The following FHIT variants were observed in gnomAD, a reference collection of about 807,000 sequenced individuals.
FHIT encodes the protein fragile histidine triad diadenosine triphosphatase.
FHIT carries 19 observed loss-of-function variants against 17.9 expected under a neutral mutation model. The ratio of observed to expected loss-of-function variants is 1.06; its 90% confidence interval spans 0.74 to 1.56. The LOEUF is 1.56. Among genes scored for constraint, FHIT ranks in the 40% most tolerant of loss-of-function variants. The pLI is 0.00. For synonymous variants in FHIT, 81 were observed against 69.7 expected (o/e 1.16, Z -0.81); for missense variants, 248 against 189.2 (o/e 1.31, Z -1.82).
Position 59,950,276 on chromosome 3 carries a change from A to G in FHIT, c.280-27862T>C, listed in dbSNP as rs1707047694. ...TTTCATTATTTTTACACTGGAGAAGAAAAACAATTGCCATTAAACAGGTTC... is the reference window on the plus strand; with the variant it reads ...TTTCATTATTTTTACACTGGAGAAGGAAAACAATTGCCATTAAACAGGTTC... On this transcript the variant is annotated intron_variant, in intron 7 of 9. Transcript: ENST00000492590. Among the ~76,000 whole-genome samples, 3 of 152,344 alleles carry G rather than the reference A, an allele frequency of 2.0e-5. No homozygotes were observed. In the South Asian group the frequency reaches 6.2e-4, roughly 32 times the overall value.
chr3:59,945,602 G>A lies in FHIT; in HGVS notation c.280-23188C>T, dbSNP rs1036157322. On this transcript the variant is annotated intron_variant, in intron 7 of 9. Coordinates refer to ENST00000492590, the MANE Select transcript of FHIT (RefSeq NM_002012.4). ...TGTCATGAAATATTTTCCAGAGACC[G>A]TGTACAGAATGGTATTTCCTAAGTT... Among the ~76,000 whole-genome samples the A allele has an allele frequency of 7.3e-5, 11 of 151,270 alleles. No homozygotes were observed. In the East Asian group the frequency reaches 1.7e-3, roughly 24 times the overall value.
At chr3:60,330,061 T>G (rs1005534450) in intron 5 of FHIT, among the ~76,000 whole-genome samples, 9 of 152,332 alleles carry the variant, frequency 5.9e-5, no homozygotes, top group Non-Finnish European at 1.3e-4. Flanking sequence ...TTGGCTTTCA[T>G]GATCTCACCA....
At chr3:60,004,654 C>G (rs1439964543) in intron 7 of FHIT, among the ~76,000 whole-genome samples, 1 of 152,148 alleles carries the variant, frequency 6.6e-6, no homozygotes, top group African/African-American at 2.4e-5. Flanking sequence ...TCTTTAGGAA[C>G]AGCCTGGTCA....
At chr3:60,903,774 A>G (rs1706244496) in intron 3 of FHIT, among the ~76,000 whole-genome samples, 1 of 152,184 alleles carries the variant, frequency 6.6e-6, no homozygotes, top group Admixed American at 6.5e-5. Flanking sequence ...ATACACAAGG[A>G]AAAAATGATT....
chr3:60,609,346 G>A (rs1576964808), intron 4 of FHIT, among the ~76,000 whole-genome samples: 1 of 151,014 alleles, frequency 6.6e-6, no homozygotes, highest in East Asian at 1.9e-4. Flanking sequence ...TTTTTTTTGA[G>A]ACTGAGTCTA....
chr3:60,167,073 G>A (rs886710474), intron 5 of FHIT, among the ~76,000 whole-genome samples: 1 of 152,142 alleles, frequency 6.6e-6, no homozygotes, highest in Non-Finnish European at 1.5e-5. Context: ...TCACATGAAG[G>A]AGTCTTCACT....
chr3:60,314,963 T>G, intron 5 of FHIT, among the ~76,000 whole-genome samples: 1 of 152,132 alleles, frequency 6.6e-6, no homozygotes, highest in East Asian at 1.9e-4. Flanking sequence ...TCAGCAGAAC[T>G]TACTATGCCC....
chr3:60,804,239 G>T (rs1701302994), intron 4 of FHIT, among the ~76,000 whole-genome samples: 3 of 152,192 alleles, frequency 2.0e-5, no homozygotes. Context: ...CAAGGGCACT[G>T]CGATCCCCCT....
At chr3:60,701,289 A>T (rs1195856990) in intron 4 of FHIT, among the ~76,000 whole-genome samples, 1 of 152,034 alleles carries the variant, frequency 6.6e-6, no homozygotes, top group Non-Finnish European at 1.5e-5. Context: ...GTAATTGCCC[A>T]GTGGGTTCTC....
chr3:61,146,758 G>C (rs546605092), intron 2 of FHIT, among the ~76,000 whole-genome samples: 2 of 151,916 alleles, frequency 1.3e-5, no homozygotes, highest in East Asian at 1.9e-4. Context: ...AATTCCTCAG[G>C]GTATATGCAA....
At chr3:60,422,672 G>A (rs111390911) in intron 5 of FHIT, among the ~76,000 whole-genome samples, 275 of 152,148 alleles carry the variant, frequency 1.8e-3, no homozygotes, top group African/African-American at 6.1e-3. Flanking sequence ...CTTTCATTTC[G>A]TAATGGAGAA....
Position 60,951,094 on chromosome 3 carries a change from G to A in FHIT, c.-111+90953C>T, listed in dbSNP as rs1020484147. On this transcript the variant is annotated intron_variant, in intron 3 of 9. Transcript: ENST00000492590. ...AGCTGAACACATTCCTGATACACAGGAGATTCTGTTTTTGTTTTTTGCTTA... is the reference window on the plus strand; with the variant it reads ...AGCTGAACACATTCCTGATACACAGAAGATTCTGTTTTTGTTTTTTGCTTA... Among the ~76,000 whole-genome samples, 20 of 152,116 alleles carry A rather than the reference G, an allele frequency of 1.3e-4. 1 individual carries two copies. Among genetic ancestry groups the A allele is most frequent in the African/African-American group, 4.3e-4 (18 of 41,428 alleles).
At chr3:61,210,428 C>A (rs947507363) in intron 1 of FHIT, among the ~76,000 whole-genome samples, 1 of 152,230 alleles carries the variant, frequency 6.6e-6, no homozygotes, top group South Asian at 2.1e-4. Context: ...GGCAGACAGG[C>A]CTCCTTGAGC....
At chr3:60,116,950 A>G (rs1170827940) in intron 5 of FHIT, among the ~76,000 whole-genome samples, 2 of 152,042 alleles carry the variant, frequency 1.3e-5, no homozygotes, top group South Asian at 4.2e-4. Flanking sequence ...ATATTGTACA[A>G]AATGCACCAT....
chr3:60,177,266 T>TA lies in FHIT; in HGVS notation c.104-163115dup, dbSNP rs746547888. On this transcript the variant is annotated intron_variant, in intron 5 of 9. Transcript: ENST00000492590. The stretch of plus-strand genomic sequence containing the variant: ...GGGAAATAATACAATAAGCCAAGGT[T>TA]AAAAAAAAAAAAAAGCTAGAAGAAG... Among the ~76,000 whole-genome samples the TA allele has an allele frequency of 4.1e-3, 538 of 131,868 alleles. 2 individuals carry two copies. Among genetic ancestry groups the TA allele is most frequent in the African/African-American group, 0.011 (415 of 36,150 alleles). The allele number at this position is 131,868 out of a possible 152,430, so 86.5% of individuals were successfully genotyped here.
intron 5 of FHIT, among the ~76,000 whole-genome samples, chr3:60,043,032 T>A (rs538424808): frequency 6.6e-6 from 1 of 152,294 alleles, no homozygotes; most frequent in East Asian, 1.9e-4. Context: ...GAATTTACCC[T>A]CTCCTTTTAT....
intron 4 of FHIT, among the ~76,000 whole-genome samples, chr3:60,767,182 A>G (rs1171293011): frequency 6.6e-6 from 1 of 152,222 alleles, no homozygotes; most frequent in African/African-American, 2.4e-5. Flanking sequence ...AGAAATAATG[A>G]TAGCATTTTA....
chr3:60,565,691 C>T (rs1027845518), intron 4 of FHIT, among the ~76,000 whole-genome samples: 1 of 152,252 alleles, frequency 6.6e-6, no homozygotes, highest in Non-Finnish European at 1.5e-5. Context: ...TTGAAAACTG[C>T]TAGACTTTTC....
intron 5 of FHIT, among the ~76,000 whole-genome samples, chr3:60,467,140 A>G (rs493345): frequency 0.42 from 64,152 of 151,652 alleles, 14,359 homozygotes; most frequent in Middle Eastern, 0.58. Flanking sequence ...TAGGTTTTCC[A>G]ATTTATTGGT....
Sources: gnomAD v4.1 joint callset for allele counts (sites outside exome capture counted in the v4.1 genomes callset) on GRCh38, gnomAD v4.1.1 for gene constraint, MANE v1.5 for transcripts, NCBI Gene and HGNC (gene_info 2026-07-23, HGNC 2026-07-21) for gene names.